Variants in MAP4K3 observed in about 807,000 individuals in gnomAD.
The protein encoded by MAP4K3 is MAPK/ERK kinase kinase kinase 3.
MAP4K3 carries 94 observed loss-of-function variants against 143.5 expected under a neutral mutation model. The ratio of observed to expected loss-of-function variants is 0.65; its 90% CI spans 0.55 to 0.78. The LOEUF (loss-of-function observed/expected upper bound fraction) is 0.78, where lower values mean the gene tolerates loss of function less well. Ranked by LOEUF, MAP4K3 falls within the 30% of genes least tolerant of loss-of-function variation. The pLI is 0.00. For missense variants in MAP4K3, 1,077 were observed against 1,068.1 expected (o/e 1.01, Z -0.12); for synonymous variants, 416 against 347.2 (o/e 1.20, Z -2.20).
chr2:39,338,699 C>CAGG (rs1261728867), intron 4 of MAP4K3, among the ~76,000 whole-genome samples: 1 of 152,152 alleles, frequency 6.6e-6, no homozygotes, highest in Non-Finnish European at 1.5e-5. Flanking sequence ...CTCAAAGAGG[C>CAGG]AGGACACTGA....
At chr2:39,297,984 C>T (rs1239183339) in intron 16 of MAP4K3, among the ~76,000 whole-genome samples, 1 of 151,980 alleles carries the variant, frequency 6.6e-6, no homozygotes, top group African/African-American at 2.4e-5. Context: ...TCTGGAAAAG[C>T]ATTTAGTGAG....
intron 1 of MAP4K3, among the ~76,000 whole-genome samples, chr2:39,387,699 G>GA (rs1666545533): frequency 6.6e-6 from 1 of 152,186 alleles, no homozygotes; most frequent in Non-Finnish European, 1.5e-5. Flanking sequence ...CAGATGGACA[G>GA]AAAAAATTAC....
At position 39,337,576 on chromosome 2, in the gene MAP4K3, C is replaced by T; in HGVS notation, c.316G>A (p.Gly106Arg). The change falls in exon 5 of 34, where the codon GGA becomes AGA. Residue 106 changes from glycine to arginine, a missense_variant. This residue lies in a region of MAP4K3 where 213 missense variants were observed against 266.8 expected (regional missense o/e 0.80). Transcript: ENST00000263881. The stretch of plus-strand genomic sequence containing the variant: ...GCAATTTGCAGTTCTGACAGAGGTC[C>T]AGTTACTGTAAAAGAAGACAATTAA... ...GSLQDIYHVT[G>R]PLSELQIAYV... The T allele has an allele frequency of 6.2e-7, 1 of 1,607,560 alleles. No individual in the cohort carries two copies. Among genetic ancestry groups the T allele is most frequent in the Non-Finnish European group, 8.5e-7 (1 of 1,174,650 alleles).
chr2:39,282,755 G>A (rs1200486870), intron 21 of MAP4K3, among the ~76,000 whole-genome samples: 1 of 152,160 alleles, frequency 6.6e-6, no homozygotes, highest in Non-Finnish European at 1.5e-5. Flanking sequence ...CTAGTTTGGT[G>A]TAAAACCTTC....
intron 26 of MAP4K3, 149 bp from the exon 27 acceptor site, chr2:39,267,396 G>A (rs977423316): frequency 4.7e-6 from 3 of 638,412 alleles, no homozygotes; most frequent in South Asian, 3.8e-5. Flanking sequence ...AAAAGGCCGG[G>A]TGCCATGGCA....
chr2:39,392,479 A>C (rs1262842994), intron 1 of MAP4K3, among the ~76,000 whole-genome samples: 1 of 152,200 alleles, frequency 6.6e-6, no homozygotes, highest in Non-Finnish European at 1.5e-5. Flanking sequence ...TTGCCCCTAT[A>C]CTAAATCATA....
chr2:39,284,685 A>T (rs1681686363), intron 21 of MAP4K3, among the ~76,000 whole-genome samples: 1 of 151,540 alleles, frequency 6.6e-6, no homozygotes, highest in African/African-American at 2.4e-5. Flanking sequence ...CTGTACTAAA[A>T]ATACAAAAAG....
chr2:39,327,078 T>C (rs1683516587), intron 8 of MAP4K3, among the ~76,000 whole-genome samples: 1 of 152,140 alleles, frequency 6.6e-6, no homozygotes, highest in African/African-American at 2.4e-5. Flanking sequence ...GACCAACACG[T>C]CCAAAATCAT....
intron 1 of MAP4K3, among the ~76,000 whole-genome samples, chr2:39,404,330 G>T (rs902897734): frequency 1.3e-5 from 2 of 152,200 alleles, no homozygotes; most frequent in Middle Eastern, 3.4e-3. Flanking sequence ...GACCTGCACT[G>T]GGGCAGAAAG....
chr2:39,322,922 G>A (rs1002511359), intron 12 of MAP4K3, among the ~76,000 whole-genome samples: 11 of 151,940 alleles, frequency 7.2e-5, no homozygotes, highest in Admixed American at 1.3e-4. Context: ...CACCTGCCTC[G>A]GTCTTCCAGA....
At chr2:39,405,608 C>A (rs1422936986) in intron 1 of MAP4K3, among the ~76,000 whole-genome samples, 1 of 152,168 alleles carries the variant, frequency 6.6e-6, no homozygotes, top group African/African-American at 2.4e-5. Flanking sequence ...ATGCTCACAC[C>A]AGTAATCCCA....
intron 2 of MAP4K3, among the ~76,000 whole-genome samples, chr2:39,357,176 T>C (rs1010862309): frequency 1.3e-5 from 2 of 152,234 alleles, no homozygotes; most frequent in African/African-American, 4.8e-5. Flanking sequence ...TCACATGCTG[T>C]GGCTCCTGAA....
chr2:39,303,740 T>C (rs938094320), intron 15 of MAP4K3, among the ~76,000 whole-genome samples: 1 of 152,192 alleles, frequency 6.6e-6, no homozygotes, highest in African/African-American at 2.4e-5. Context: ...GGTTGCCACA[T>C]TGGCCAGGCT....
chr2:39,252,321 T>A (rs911065494), intron 32 of MAP4K3, among the ~76,000 whole-genome samples: 1 of 152,260 alleles, frequency 6.6e-6, no homozygotes, highest in Non-Finnish European at 1.5e-5. Flanking sequence ...TGAGTTTGAC[T>A]GTCAGTTCTC....
chr2:39,349,531 A>T (rs950118673), intron 3 of MAP4K3, among the ~76,000 whole-genome samples: 2 of 152,198 alleles, frequency 1.3e-5, no homozygotes, highest in African/African-American at 4.8e-5. Context: ...ATCAGTTTTT[A>T]AAAATATCAC....
chr2:39,365,077 C>G (rs1249813735), intron 2 of MAP4K3, among the ~76,000 whole-genome samples: 6 of 152,080 alleles, frequency 3.9e-5, no homozygotes, highest in Non-Finnish European at 5.9e-5. Context: ...CTTTGCAGGA[C>G]CATTTCAAAA....
intron 8 of MAP4K3, among the ~76,000 whole-genome samples, chr2:39,328,421 A>G (rs1295062781): frequency 6.6e-6 from 1 of 152,156 alleles, no homozygotes; most frequent in Non-Finnish European, 1.5e-5. Flanking sequence ...TGAGCCAAAA[A>G]ACCTGGTACG....
At chr2:39,328,678 T>C (rs1683582559) in intron 8 of MAP4K3, among the ~76,000 whole-genome samples, 1 of 152,156 alleles carries the variant, frequency 6.6e-6, no homozygotes, top group South Asian at 2.1e-4. Flanking sequence ...TTCATACAAC[T>C]GTATGAATTT....
At chr2:39,370,510 T>C (rs1573209268) in intron 2 of MAP4K3, among the ~76,000 whole-genome samples, 1 of 152,000 alleles carries the variant, frequency 6.6e-6, no homozygotes, top group Non-Finnish European at 1.5e-5. Flanking sequence ...AAAACTAATG[T>C]CAAAGGCTGG....
Sources: gnomAD v4.1 joint callset for allele counts (sites outside exome capture counted in the v4.1 genomes callset) on GRCh38, gnomAD v4.1.1 for gene constraint, gnomAD v4.1.1 regional missense constraint, MANE v1.5 for transcripts, NCBI Gene and HGNC (gene_info 2026-07-23, HGNC 2026-07-21) for gene names.